NIBAN1: variants seen among roughly 807,000 people sequenced by gnomAD.
NIBAN1 encodes the protein protein Niban 1.
Under a neutral mutation model 75.1 loss-of-function variants are expected in NIBAN1, and 81 were observed. That is an observed-to-expected ratio of 1.08 (90% CI 0.90 to 1.30). The LOEUF (loss-of-function observed/expected upper bound fraction) is 1.30, where lower values mean the gene tolerates loss of function less well. NIBAN1 is among the 50% of genes most tolerant of loss of function. The pLI, the probability that NIBAN1 is intolerant of heterozygous loss-of-function variation, is 0.00. For missense variants in NIBAN1, 1,133 were observed against 1,128.1 expected, an observed-to-expected ratio of 1.00 and a Z score of -0.06; for synonymous variants, 436 against 424.8, an observed-to-expected ratio of 1.03 and a Z score of -0.32.
intron 2 of NIBAN1, among the ~76,000 whole-genome samples, chr1:184,898,515 C>T (rs4650670): frequency 0.38 from 57,266 of 151,922 alleles, 11,473 homozygotes; most frequent in East Asian, 0.53. Flanking sequence ...ACTCAGGAGG[C>T]TGAGGCAGGA....
chr1:184,974,182 G>A (rs1192062418), intron 1 of NIBAN1, 120 bp downstream of exon 1: 4 of 1,056,706 alleles, frequency 3.8e-6, no homozygotes, highest in East Asian at 6.7e-5. Context: ...GGCTGCGGTC[G>A]GGGATCCCCG....
At chr1:184,837,781 T>G (rs1228623733) in intron 5 of NIBAN1, among the ~76,000 whole-genome samples, 2 of 152,054 alleles carry the variant, frequency 1.3e-5, no homozygotes, top group Non-Finnish European at 2.9e-5. Context: ...TAATCTCATT[T>G]CTCCCTTTCA....
At chr1:184,935,414 G>GC (rs1657929731) in intron 1 of NIBAN1, among the ~76,000 whole-genome samples, 1 of 151,958 alleles carries the variant, frequency 6.6e-6, no homozygotes, top group Non-Finnish European at 1.5e-5. Context: ...AGGCCAAGGT[G>GC]CGAAGATCAC....
At chr1:184,970,790 C>A (rs1003429600) in intron 1 of NIBAN1, among the ~76,000 whole-genome samples, 1 of 152,156 alleles carries the variant, frequency 6.6e-6, no homozygotes, top group Non-Finnish European at 1.5e-5. Flanking sequence ...CTGTCCAGTA[C>A]TTTTCTGACC....
chr1:184,931,494 T>G (rs1035053661), intron 1 of NIBAN1, among the ~76,000 whole-genome samples: 1 of 152,208 alleles, frequency 6.6e-6, no homozygotes. Context: ...TACATGTAAC[T>G]CAACATTGAA....
At chr1:184,886,828 GTTCTGGCAAATTAA>G (rs1656538189) in intron 4 of NIBAN1, among the ~76,000 whole-genome samples, 1 of 152,154 alleles carries the variant, frequency 6.6e-6, no homozygotes, top group Non-Finnish European at 1.5e-5. Flanking sequence ...AACCGCATCA[GTTCTGGCAAATTAA>G]TAAATCAGGA....
intron 5 of NIBAN1, among the ~76,000 whole-genome samples, chr1:184,832,195 G>A (rs1655018017): frequency 1.3e-5 from 2 of 152,276 alleles, no homozygotes; most frequent in South Asian, 4.1e-4. Context: ...GAGCATAGTG[G>A]TTAGGACTAG....
intron 1 of NIBAN1, among the ~76,000 whole-genome samples, chr1:184,938,138 G>A (rs1658007429): frequency 6.6e-6 from 1 of 152,190 alleles, no homozygotes; most frequent in African/African-American, 2.4e-5. Context: ...GTGACATGCT[G>A]AGATTTGCAC....
At chr1:184,862,378 G>A (rs928344237) in intron 5 of NIBAN1, among the ~76,000 whole-genome samples, 5 of 151,744 alleles carry the variant, frequency 3.3e-5, no homozygotes, top group South Asian at 2.1e-4. Context: ...ATTCACAGGC[G>A]CAATCATTGT....
At position 184,974,295 on chromosome 1, in the gene NIBAN1, G is replaced by C; in HGVS notation, c.55+7C>G. On this transcript the variant is annotated splice_region_variant and intron_variant, in intron 1 of 13. Transcript: ENST00000367511. The stretch of plus-strand genomic sequence containing the variant: ...TGCTCCCCAGGCCCCCGGGCGGGCG[G>C]GCGTACCTCGGATGTAAGCGCACTT... The C allele has an allele frequency of 6.4e-7, 1 of 1,557,284 alleles. No homozygotes were observed. The highest frequency in any genetic ancestry group is 8.6e-7 in the Non-Finnish European group (1 of 1,158,856).
intron 1 of NIBAN1, among the ~76,000 whole-genome samples, chr1:184,971,752 T>C (rs1048287365): frequency 1.3e-5 from 2 of 152,120 alleles, no homozygotes. Flanking sequence ...CACAAGTTGG[T>C]CTCAGTATTA....
Position 184,870,912 on chromosome 1 carries a change from C to T in NIBAN1, c.601+13721G>A, listed in dbSNP as rs920595245. On this transcript the variant is annotated intron_variant, in intron 5 of 13. Coordinates refer to ENST00000367511, the MANE Select transcript of NIBAN1 (RefSeq NM_052966.4). ...GAATTGTATACCCCCCAAATTCATACGTTGAAATCTTGATTCCCCCAAATC... is the reference window on the plus strand; with the variant it reads ...GAATTGTATACCCCCCAAATTCATATGTTGAAATCTTGATTCCCCCAAATC... Among the ~76,000 whole-genome samples the T allele has an allele frequency of 3.3e-5, 5 of 152,132 alleles. No individual in the cohort carries two copies. In the South Asian group the frequency reaches 6.2e-4, roughly 19 times the overall value.
intron 9 of NIBAN1, among the ~76,000 whole-genome samples, chr1:184,817,487 C>T (rs1287029753): frequency 5.9e-5 from 9 of 152,144 alleles, no homozygotes; most frequent in African/African-American, 7.2e-5. Flanking sequence ...ACACTCCCGC[C>T]GACAGTGTAA....
intron 5 of NIBAN1, among the ~76,000 whole-genome samples, chr1:184,842,305 C>G (rs569003644): frequency 6.6e-6 from 1 of 152,220 alleles, no homozygotes; most frequent in Admixed American, 6.5e-5. Context: ...CTGGCCCCCA[C>G]TCCCAGAGTT....
intron 9 of NIBAN1, among the ~76,000 whole-genome samples, chr1:184,810,216 CATG>C (rs1346793324): frequency 1.3e-5 from 2 of 152,296 alleles, no homozygotes; most frequent in East Asian, 3.9e-4. Context: ...GGATGTTCAT[CATG>C]ATATGTCAAG....
intron 1 of NIBAN1, among the ~76,000 whole-genome samples, chr1:184,925,705 CTA>C: frequency 6.6e-6 from 1 of 152,070 alleles, no homozygotes; most frequent in Admixed American, 6.5e-5. Flanking sequence ...AAAAAAAACT[CTA>C]TACATTAACT....
At chr1:184,798,291 G>A (rs1653933428) in intron 12 of NIBAN1, 101 bp from the exon 13 acceptor site, 2 of 685,164 alleles carry the variant, frequency 2.9e-6, no homozygotes, top group African/African-American at 1.8e-5. Context: ...TTCTCTTCTT[G>A]GAGGGCATAA....
chr1:184,797,421 T>G (rs548281372), intron 13 of NIBAN1, among the ~76,000 whole-genome samples: 1 of 152,084 alleles, frequency 6.6e-6, no homozygotes, highest in South Asian at 2.1e-4. Context: ...GGATTACAGG[T>G]GTGACCCACT....
Position 184,827,979 on chromosome 1 carries a change from G to A in NIBAN1, c.717+3868C>T, listed in dbSNP as rs542835328. ...TTTTTTGTTTTTTTTTTTTTTTTCC[G>A]TCTTGAAACTGTTCTGTGGGAATTA... On this transcript the variant is annotated intron_variant, in intron 6 of 13. Transcript: ENST00000367511. Among the ~76,000 whole-genome samples, 14 of 120,672 alleles carry A rather than the reference G, an allele frequency of 1.2e-4. No individual in the cohort carries two copies. In the South Asian group the frequency reaches 1.7e-3, roughly 15 times the overall value. The allele number at this position is 120,672 out of a possible 152,430, so 79.2% of individuals were successfully genotyped here.
Sources: allele counts gnomAD v4.1 joint callset (sites outside exome capture counted in the v4.1 genomes callset), GRCh38; gene constraint gnomAD v4.1.1; transcripts MANE v1.5; gene names NCBI Gene and HGNC (gene_info 2026-07-23, HGNC 2026-07-21).